CFHR1: variants seen among roughly 807,000 people sequenced by gnomAD.
The protein encoded by CFHR1 is complement factor H-related protein 1.
CFHR1 carries 22 observed loss-of-function variants against 30.4 expected under a neutral mutation model. The observed-to-expected ratio is 0.72, with a 90% CI of 0.52 to 1.03. CFHR1 has a LOEUF of 1.03. Ranked by LOEUF, CFHR1 falls within the 50% of genes least tolerant of loss-of-function variation. CFHR1 has a pLI of 0.00. For missense variants in CFHR1, 248 were observed against 380.6 expected, an observed-to-expected ratio of 0.65 and a Z score of 2.90; for synonymous variants, 95 against 129.1, an observed-to-expected ratio of 0.74 and a Z score of 1.79.
Position 196,831,835 on chromosome 1 carries a change from A to G in CFHR1, c.829A>G (p.Asn277Asp), listed in dbSNP as rs745398735. Residue 277 changes from asparagine to aspartate, a missense_variant, in exon 6 of 6, where the codon AAC becomes GAC. This residue lies in a region of CFHR1 where 112 missense variants were observed against 156.4 expected (regional missense o/e 0.72). Transcript: ENST00000320493. The part of the protein sequence containing the change: ...VISREIMENY[N>D]IALRWTAKQK... Reference sequence around the variant, plus strand: ...ATCCCGAGAAATTATGGAAAATTATAACATAGCATTAAGGTGGACAGCCAA... The same window carrying G: ...ATCCCGAGAAATTATGGAAAATTATGACATAGCATTAAGGTGGACAGCCAA... The G allele has an allele frequency of 1.3e-6, 2 of 1,525,266 alleles. No individual in the cohort carries two copies. The highest frequency in any genetic ancestry group is 1.8e-6 in the Non-Finnish European group (2 of 1,129,346). 94.5% of individuals were successfully genotyped at this position (1,525,266 alleles called of 1,614,324 possible).
Position 196,830,054 on chromosome 1 carries a change from T to G in CFHR1, c.608-446T>G, listed in dbSNP as rs1376641718. On this transcript the variant is annotated intron_variant, in intron 4 of 5. Transcript: ENST00000320493. ...TGTCTGTCAGCTCCCCATGTATTAT[T>G]AAGTATATTCAGTGTTTTTAAAAAA... 5.2e-5 allele frequency among the ~76,000 whole-genome samples: 7 copies of G among 135,566 alleles called. 2 individuals are homozygous for G. Among genetic ancestry groups the G allele is most frequent in the Non-Finnish European group, 7.8e-5 (5 of 64,362 alleles). 88.9% of individuals were successfully genotyped at this position (135,566 alleles called of 152,430 possible).
At chr1:196,825,798 T>C in intron 2 of CFHR1, 127 bp downstream of exon 2, 1 of 937,206 alleles carries the variant, frequency 1.1e-6, no homozygotes, top group Non-Finnish European at 1.6e-6. Context: ...ATGGGAGATG[T>C]AGTCCCCCTA....
chr1:196,830,958 T>C (rs1655533070), intron 5 of CFHR1, among the ~76,000 whole-genome samples: 1 of 132,194 alleles, frequency 7.6e-6, no homozygotes, highest in Admixed American at 7.3e-5. Context: ...AAACCCCGTC[T>C]CTACTAAAAA....
chr1:196,823,087 A>G (rs1655178771), intron 1 of CFHR1, among the ~76,000 whole-genome samples: 3 of 120,278 alleles, frequency 2.5e-5, no homozygotes, highest in African/African-American at 1.2e-4. Flanking sequence ...ACGACTGTAT[A>G]TATATATATA....
rs1197264886 is a variant in CFHR1, at chr1:196,823,200, T to A, written c.59-2277T>A. On this transcript the variant is annotated intron_variant, in intron 1 of 5. Coordinates refer to ENST00000320493, the MANE Select transcript of CFHR1 (RefSeq NM_002113.3). ...TGAGACAATAAAAATTATTTTCTAC[T>A]TTTGAAATTGGTGGTTGTGTAAAGG... 2.2e-5 allele frequency among the ~76,000 whole-genome samples: 3 copies of A among 133,726 alleles called. 1 individual carries two copies. The highest frequency in any genetic ancestry group is 6.4e-5 in the African/African-American group (2 of 31,042). 87.7% of individuals were successfully genotyped at this position (133,726 alleles called of 152,430 possible).
In CFHR1 at chr1:196,821,232, G is replaced by T. The variant is rs568735309; in HGVS notation, c.58+1330G>T. ...AGTGTATTTGATTTTTCTTAAGTCT[G>T]TGTTTATGGTATTTATTAAGTGGCT... On this transcript the variant is annotated intron_variant, in intron 1 of 5. Coordinates refer to ENST00000320493, the MANE Select transcript of CFHR1 (RefSeq NM_002113.3). The T allele has an allele frequency of 3.6e-4, 49 of 134,314 alleles. 6 individuals carry two copies. In the East Asian group the frequency reaches 5.5e-3, roughly 15 times the overall value. 8.3% of individuals were successfully genotyped at this position (134,314 alleles called of 1,614,324 possible).
In CFHR1 at chr1:196,823,099, A is replaced by ATG. The variant is rs1263974008; in HGVS notation, c.59-2377_59-2376insGT. Among the ~76,000 whole-genome samples the ATG allele has an allele frequency of 7.4e-4, 34 of 45,718 alleles. 6 individuals are homozygous for ATG. The highest frequency in any genetic ancestry group is 3.7e-3 in the African/African-American group (28 of 7,630). 30.0% of individuals were successfully genotyped at this position (45,718 alleles called of 152,430 possible). ...TGTACGACTGTATATATATATATAT[A>ATG]TATGTGTGTGTGTGTGTGTGTGTGT... On this transcript the variant is annotated intron_variant, in intron 1 of 5. Transcript: ENST00000320493.
chr1:196,824,932 C>T (rs1655267956), intron 1 of CFHR1, among the ~76,000 whole-genome samples: 1 of 126,764 alleles, frequency 7.9e-6, no homozygotes, highest in Admixed American at 7.7e-5. Flanking sequence ...AAATTATTTC[C>T]ACTGAAACTA....
rs1655524242 is a variant in CFHR1, at chr1:196,830,790, T to A, written c.790+108T>A. 4 of 1,377,220 alleles carry A rather than the reference T, an allele frequency of 2.9e-6. 1 individual carries two copies. The highest frequency in any genetic ancestry group is 2.7e-5 in the South Asian group (2 of 74,406). 85.3% of individuals were successfully genotyped at this position (1,377,220 alleles called of 1,614,324 possible). A position where few individuals can be genotyped will look rare whatever the true frequency, so the allele number is the denominator to read the frequency against. Reference sequence around the variant, plus strand: ...ATTATTGAACAACCATTCTGCTGAATGCCTGCCTACCAAAAATTTCTTTTA... The same window carrying A: ...ATTATTGAACAACCATTCTGCTGAAAGCCTGCCTACCAAAAATTTCTTTTA... On this transcript the variant is annotated intron_variant, in intron 5 of 5. Coordinates refer to ENST00000320493, the MANE Select transcript of CFHR1 (RefSeq NM_002113.3).
At position 196,828,546 on chromosome 1, in the gene CFHR1, A is replaced by T. The variant is rs191657175; in HGVS notation, c.607+300A>T. Among the ~76,000 whole-genome samples, 637 of 131,842 alleles carry T rather than the reference A, an allele frequency of 4.8e-3. 72 individuals carry two copies. Among genetic ancestry groups the T allele is most frequent in the Admixed American group, 0.012 (159 of 13,714 alleles). The allele number at this position is 131,842 out of a possible 152,430, so 86.5% of individuals were successfully genotyped here. A position where few individuals can be genotyped will look rare whatever the true frequency, so the allele number is the denominator to read the frequency against. ...ATAAAAGATACATTATGTGCATTTG[A>T]CAGCCATAAGTGATGTGCATTCTAA... On this transcript the variant is annotated intron_variant, in intron 4 of 5. Transcript: ENST00000320493.
At chr1:196,824,264 A>AT (rs1482415189) in intron 1 of CFHR1, among the ~76,000 whole-genome samples, 1 of 88,722 alleles carries the variant, frequency 1.1e-5, no homozygotes, top group Non-Finnish European at 2.1e-5. Flanking sequence ...ATTTTATTTT[A>AT]ATTTTTTTTG....
In CFHR1 at chr1:196,827,846, C is replaced by T. The variant is rs1157538690; in HGVS notation, c.431-224C>T. 1.1e-4 allele frequency among the ~76,000 whole-genome samples: 14 copies of T among 131,760 alleles called. 1 individual carries two copies. The highest frequency in any genetic ancestry group is 2.0e-4 in the Non-Finnish European group (13 of 63,448). The allele number at this position is 131,760 out of a possible 152,430, so 86.4% of individuals were successfully genotyped here. On this transcript the variant is annotated intron_variant, in intron 3 of 5. Coordinates refer to ENST00000320493, the MANE Select transcript of CFHR1 (RefSeq NM_002113.3). ...AAATAAAGGTCTATCAGTGTTCTAGCGAAGGATGAAGAAGAAATTTAAAAC... is the reference window on the plus strand; with the variant it reads ...AAATAAAGGTCTATCAGTGTTCTAGTGAAGGATGAAGAAGAAATTTAAAAC...
rs571809791 is a variant in CFHR1 at position 196,830,161 on chromosome 1, T to A, written c.608-339T>A. 1.0e-3 allele frequency among the ~76,000 whole-genome samples: 141 copies of A among 135,610 alleles called. 38 individuals carry two copies. The highest frequency in any genetic ancestry group is 4.3e-3 in the African/African-American group (136 of 31,852). 89.0% of individuals were successfully genotyped at this position (135,610 alleles called of 152,430 possible). ...AATTTCAAAACCCGTGTCCTCTTAG[T>A]GTTACTCCAAAGAATGTTGAATATG... is the stretch of plus-strand genomic sequence containing the variant. On this transcript the variant is annotated intron_variant, in intron 4 of 5. Coordinates refer to ENST00000320493, the MANE Select transcript of CFHR1 (RefSeq NM_002113.3).
intron 1 of CFHR1, chr1:196,821,053 G>T (rs1291422821): frequency 1.4e-5 from 2 of 139,742 alleles, no homozygotes; most frequent in Admixed American, 1.4e-4. Context: ...TGGTCAGGCT[G>T]GTCTCGAACT....
chr1:196,825,247 C>T, intron 1 of CFHR1: 1 of 366,064 alleles, frequency 2.7e-6, no homozygotes, highest in Non-Finnish European at 4.9e-6. Flanking sequence ...TATTTCATAT[C>T]ACTCCAAAAT....
At chr1:196,822,112 G>C (rs1655139932) in intron 1 of CFHR1, among the ~76,000 whole-genome samples, 2 of 131,970 alleles carry the variant, frequency 1.5e-5, no homozygotes, top group African/African-American at 6.6e-5. Flanking sequence ...GTTACTCTCA[G>C]TAAGTCATTA....
In CFHR1 at chr1:196,832,117, G is replaced by C. The variant is rs1655592451; in HGVS notation, c.*118G>C. 2.0e-6 allele frequency: 2 copies of C among 1,018,678 alleles called. 1 individual carries two copies. 63.1% of individuals were successfully genotyped at this position (1,018,678 alleles called of 1,614,324 possible). On this transcript the variant is annotated 3_prime_UTR_variant, in exon 6 of 6. Transcript: ENST00000320493. Reference sequence around the variant, plus strand: ...CATACGTAAAATTTTGGATTAATTTGTGAAAATGTAATTATAAGCTGAGAC... The same window carrying C: ...CATACGTAAAATTTTGGATTAATTTCTGAAAATGTAATTATAAGCTGAGAC...
chr1:196,828,793 G>C (rs1558215180), intron 4 of CFHR1, among the ~76,000 whole-genome samples: 1 of 83,648 alleles, frequency 1.2e-5, no homozygotes, highest in Non-Finnish European at 2.2e-5. Flanking sequence ...ATGTTGTCCT[G>C]TGTTTTTTTT....
intron 3 of CFHR1, among the ~76,000 whole-genome samples, chr1:196,827,593 CT>C (rs1422383071): frequency 1.5e-5 from 2 of 135,356 alleles, no homozygotes; most frequent in Non-Finnish European, 1.6e-5. Flanking sequence ...GTTTTTAAAT[CT>C]TTGCTTATTC....
Sources: gnomAD v4.1 joint callset for allele counts (sites outside exome capture counted in the v4.1 genomes callset) on GRCh38, gnomAD v4.1.1 for gene constraint, gnomAD v4.1.1 regional missense constraint, MANE v1.5 for transcripts, NCBI Gene and HGNC (gene_info 2026-07-23, HGNC 2026-07-21) for gene names.